C7: variants seen among roughly 807,000 people sequenced by gnomAD.
The protein encoded by C7 is complement component C7.
A neutral mutation model predicts 104.8 loss-of-function variants in C7; 83 were observed. The ratio of observed to expected loss-of-function variants is 0.79; its 90% confidence interval spans 0.66 to 0.95. The LOEUF (loss-of-function observed/expected upper bound fraction) is 0.95. Among genes scored for constraint, C7 ranks in the 40% least tolerant of loss-of-function variants. The pLI, the probability that C7 is intolerant of heterozygous loss-of-function variation, is 0.00. For synonymous variants in C7, 415 were observed against 360.6 expected (o/e 1.15, Z -1.71); for missense variants, 1,070 against 1,011.2 (o/e 1.06, Z -0.79).
chr5:40,910,600 A>G (rs939653637), intron 1 of C7, among the ~76,000 whole-genome samples: 8 of 152,150 alleles, frequency 5.3e-5, no homozygotes, highest in Non-Finnish European at 1.2e-4. Context: ...AAAGAATGAA[A>G]TCATGTCCTT....
intron 1 of C7, among the ~76,000 whole-genome samples, chr5:40,918,281 G>A (rs182470008): frequency 6.6e-6 from 1 of 151,906 alleles, no homozygotes; most frequent in Non-Finnish European, 1.5e-5. Flanking sequence ...CATCATTTGA[G>A]CCTGGGAGGT....
intron 1 of C7, among the ~76,000 whole-genome samples, chr5:40,912,001 G>A (rs1321256810): frequency 6.6e-6 from 1 of 151,598 alleles, no homozygotes; most frequent in African/African-American, 2.4e-5. Flanking sequence ...ACCTGCCTTG[G>A]CCTCCCAAAG....
Position 40,981,485 on chromosome 5 carries a change from T to C in C7, c.2444T>C (p.Met815Thr), listed in dbSNP as rs764144304. 19 of 1,613,688 alleles carry C rather than the reference T, an allele frequency of 1.2e-5. No homozygotes were observed. Among genetic ancestry groups the C allele is most frequent in the Non-Finnish European group, 1.4e-5 (17 of 1,179,794 alleles). Residue 815 changes from methionine to threonine, a missense_variant, in exon 18 of 18, where the codon ATG becomes ACG. Coordinates refer to ENST00000313164, the MANE Select transcript of C7 (RefSeq NM_000587.4). The part of the protein sequence containing the change: ...CVEVNGKEQT[M>T]SECEAGALRC... ...GAAGTGAACGGCAAGGAGCAGACGA[T>C]GTCTGAGTGTGAGGCGGGCGCTCTG...
chr5:40,964,100 T>C (rs184442), intron 13 of C7, among the ~76,000 whole-genome samples: 1 of 131,072 alleles, frequency 7.6e-6, no homozygotes, highest in African/African-American at 2.8e-5. Flanking sequence ...TGGCATGCAG[T>C]GGCACTATCT....
At chr5:40,918,401 A>T (rs1341091677) in intron 1 of C7, among the ~76,000 whole-genome samples, 1 of 152,102 alleles carries the variant, frequency 6.6e-6, no homozygotes. Context: ...AACAAGAAAA[A>T]CAACAACAAC....
intron 10 of C7, among the ~76,000 whole-genome samples, chr5:40,956,304 T>A (rs1438055601): frequency 6.6e-6 from 1 of 152,128 alleles, no homozygotes; most frequent in Non-Finnish European, 1.5e-5. Flanking sequence ...TGAGTTACTG[T>A]GAAGTGCTAG....
intron 14 of C7, among the ~76,000 whole-genome samples, chr5:40,965,648 A>ATATATATATTTT (rs35802990): frequency 7.1e-4 from 93 of 130,286 alleles, no homozygotes; most frequent in African/African-American, 2.8e-3. Context: ...ATATATATAT[A>ATATATATATTTT]TTTTTTTTTT....
In C7 at chr5:40,978,873, A is replaced by ATTT. The variant is rs372551834; in HGVS notation, c.2166-830_2166-828dup. 1.0e-2 allele frequency among the ~76,000 whole-genome samples: 800 copies of ATTT among 80,064 alleles called. 50 individuals are homozygous for ATTT. The highest frequency in any genetic ancestry group is 0.015 in the Non-Finnish European group (592 of 40,164). The allele number at this position is 80,064 out of a possible 152,430, so 52.5% of individuals were successfully genotyped here. On this transcript the variant is annotated intron_variant, in intron 16 of 17. Coordinates refer to ENST00000313164, the MANE Select transcript of C7 (RefSeq NM_000587.4). ...GAGGAAGGTAACACATTTTATGGAA[A>ATTT]TTTTTTTTTTTTTTTTTTTTTTTTG...
intron 1 of C7, among the ~76,000 whole-genome samples, chr5:40,923,531 A>T (rs575351111): frequency 4.9e-4 from 75 of 152,292 alleles, no homozygotes; most frequent in African/African-American, 1.7e-3. Context: ...AGATCACCTG[A>T]GGTCAGGAGT....
chr5:40,976,105 T>C (rs1412542193), intron 15 of C7, among the ~76,000 whole-genome samples: 2 of 152,212 alleles, frequency 1.3e-5, no homozygotes, highest in East Asian at 1.9e-4. Context: ...CACAAAGTTA[T>C]AGAAAGAATT....
At chr5:40,968,449 C>A (rs114962712) in intron 14 of C7, among the ~76,000 whole-genome samples, 2 of 150,786 alleles carry the variant, frequency 1.3e-5, no homozygotes, top group African/African-American at 2.4e-5. Context: ...TTTCAACTGA[C>A]CTATCTTCCA....
chr5:40,947,000 C>A (rs181465858), intron 7 of C7, among the ~76,000 whole-genome samples: 4 of 151,966 alleles, frequency 2.6e-5, no homozygotes, highest in Admixed American at 2.6e-4. Flanking sequence ...AATCCTGAAC[C>A]CTGAATTAAT....
chr5:40,979,593 C>T, intron 16 of C7, 132 bp from the exon 17 acceptor site: 4 of 610,462 alleles, frequency 6.6e-6, no homozygotes, highest in East Asian at 3.0e-5. Flanking sequence ...TTTGAGTTTC[C>T]ACCTTTTTTT....
At chr5:40,970,211 T>C (rs1289935910) in intron 14 of C7, among the ~76,000 whole-genome samples, 1 of 152,210 alleles carries the variant, frequency 6.6e-6, no homozygotes, top group Non-Finnish European at 1.5e-5. Context: ...AGTGCATCCA[T>C]CAAATGCTGT....
At position 40,911,837 on chromosome 5, in the gene C7, C is replaced by T. The variant is rs192910474; in HGVS notation, c.6+2221C>T. On this transcript the variant is annotated intron_variant, in intron 1 of 17. Coordinates refer to ENST00000313164, the MANE Select transcript of C7 (RefSeq NM_000587.4). The stretch of plus-strand genomic sequence containing the variant: ...CACTCCAACTTCCGCCTCCTGGGTT[C>T]AAGCGATTCTTCTGCCTCAGCCTCC... Among the ~76,000 whole-genome samples, 613 of 150,954 alleles carry T rather than the reference C, an allele frequency of 4.1e-3. 3 individuals are homozygous for T. The highest frequency in any genetic ancestry group is 9.2e-3 in the South Asian group (44 of 4,794).
At chr5:40,981,370 C>T in intron 17 of C7, 22 bp from the exon 18 acceptor site, 1 of 1,599,398 alleles carries the variant, frequency 6.3e-7, no homozygotes. Flanking sequence ...TACCATTAAG[C>T]CTCTTTCACT....
At chr5:40,951,916 C>T (rs1740179601) in intron 9 of C7, among the ~76,000 whole-genome samples, 2 of 152,134 alleles carry the variant, frequency 1.3e-5, no homozygotes. Flanking sequence ...GTGGTATGTG[C>T]CAGGAATCGT....
intron 14 of C7, 70 bp from the exon 15 acceptor site, chr5:40,972,333 C>A: frequency 7.7e-7 from 1 of 1,297,288 alleles, no homozygotes; most frequent in East Asian, 2.4e-5. Flanking sequence ...GTCTGCATCA[C>A]ATAAGACTTT....
At chr5:40,940,239 C>T (rs543732554) in intron 6 of C7, among the ~76,000 whole-genome samples, 22 of 152,278 alleles carry the variant, frequency 1.4e-4, no homozygotes, top group African/African-American at 4.6e-4. Context: ...TTTTTAGCAT[C>T]GCGGTTTATC....
Sources: allele counts gnomAD v4.1 joint callset (sites outside exome capture counted in the v4.1 genomes callset), GRCh38; gene constraint gnomAD v4.1.1; transcripts MANE v1.5; gene names NCBI Gene and HGNC (gene_info 2026-07-23, HGNC 2026-07-21).